Variants in FCGR2B observed in about 807,000 individuals in gnomAD.
FCGR2B encodes the protein Fc gamma receptor IIb, also known as low affinity immunoglobulin gamma Fc region receptor II-b.
FCGR2B carries 18 observed loss-of-function variants against 24.8 expected under a neutral mutation model. That is an observed-to-expected ratio of 0.73 (90% CI 0.50 to 1.08). The LOEUF (loss-of-function observed/expected upper bound fraction) is 1.08, where lower values mean the gene tolerates loss of function less well. FCGR2B is among the 50% of genes least tolerant of loss of function. FCGR2B has a pLI of 0.00. For synonymous variants in FCGR2B, 79 were observed against 109.8 expected, an observed-to-expected ratio of 0.72 and a Z score of 1.75; for missense variants, 215 against 297.6, an observed-to-expected ratio of 0.72 and a Z score of 2.04.
the FCGR2B span, among the ~76,000 whole-genome samples, chr1:161,649,377 G>A: frequency 6.6e-6 from 1 of 150,806 alleles, no homozygotes; most frequent in Non-Finnish European, 1.5e-5. Context: ...TTGCAGAAGA[G>A]GGCTGAAAAT....
the FCGR2B span, among the ~76,000 whole-genome samples, chr1:161,653,437 AAAAT>A: frequency 7.7e-6 from 1 of 129,432 alleles, no homozygotes; most frequent in East Asian, 2.0e-4. Context: ...ATAAAAATAA[AAAAT>A]AAACGAATAA....
the FCGR2B span, among the ~76,000 whole-genome samples, chr1:161,650,082 A>T: frequency 6.7e-6 from 1 of 150,314 alleles, no homozygotes; most frequent in South Asian, 2.1e-4. Context: ...ATCTCTGTTC[A>T]CTGCACCCTC....
intron 1 of FCGR2B, among the ~76,000 whole-genome samples, chr1:161,669,673 AG>A (rs1188666756): frequency 7.2e-6 from 1 of 139,168 alleles, no homozygotes; most frequent in African/African-American, 2.5e-5. Context: ...TGCTCAGTGA[AG>A]AATCAGGTTA....
At chr1:161,650,227 C>T in the FCGR2B span, among the ~76,000 whole-genome samples, 489 of 147,086 alleles carry the variant, frequency 3.3e-3, 1 homozygote, top group Non-Finnish European at 4.7e-3. Flanking sequence ...GTCTCAAACT[C>T]CTGACATCCT....
At chr1:161,675,952 C>A (rs1486116641) in intron 6 of FCGR2B, 1 of 232,554 alleles carries the variant, frequency 4.3e-6, no homozygotes, top group Non-Finnish European at 8.5e-6. Flanking sequence ...ACAGTGGAGC[C>A]CTGAGCAAGT....
At chr1:161,677,181 C>T in intron 6 of FCGR2B, 147 bp from the exon 7 acceptor site, 4 of 753,724 alleles carry the variant, frequency 5.3e-6, no homozygotes, top group Non-Finnish European at 9.3e-6. Context: ...TCATATTTAC[C>T]CAGTGCTTGG....
chr1:161,653,105 A>T, the FCGR2B span, among the ~76,000 whole-genome samples: 4 of 134,136 alleles, frequency 3.0e-5, no homozygotes, highest in African/African-American at 1.0e-4. Context: ...TATATATATA[A>T]ATAAGGAGAG....
chr1:161,672,336 T>C (rs1297575672), intron 3 of FCGR2B: 1 of 159,652 alleles, frequency 6.3e-6, no homozygotes, highest in Non-Finnish European at 1.4e-5. Flanking sequence ...TTGTGGCTTT[T>C]CACTTAGTCC....
the FCGR2B span, among the ~76,000 whole-genome samples, chr1:161,648,953 T>C: frequency 2.6e-5 from 4 of 151,174 alleles, no homozygotes; most frequent in Middle Eastern, 3.4e-3. Flanking sequence ...ATACCAAAAA[T>C]ATATTTTGTA....
chr1:161,649,242 T>C, the FCGR2B span, among the ~76,000 whole-genome samples: 154 of 148,858 alleles, frequency 1.0e-3, 4 homozygotes, highest in Non-Finnish European at 2.2e-4. Flanking sequence ...GGATTGAAAG[T>C]AGAAGTGTTA....
the FCGR2B span, among the ~76,000 whole-genome samples, chr1:161,648,642 C>T: frequency 5.6e-3 from 840 of 150,912 alleles, 45 homozygotes; most frequent in African/African-American, 0.019. Flanking sequence ...TACAAATATT[C>T]CTCCTACTCT....
rs12568828 is a variant in FCGR2B at position 161,671,082 on chromosome 1, G to A, written c.134-310G>A. Among the ~76,000 whole-genome samples the A allele has an allele frequency of 2.9e-4, 44 of 152,252 alleles. No individual in the cohort carries two copies. In the East Asian group the frequency reaches 8.1e-3, roughly 28 times the overall value. On this transcript the variant is annotated intron_variant, in intron 2 of 7. Coordinates refer to ENST00000358671, the MANE Select transcript of FCGR2B (RefSeq NM_001394477.1). ...GTCTGTGTGTCTGTGCTGGTGGGGAGAGGTTGGTGGGGAGAGAGAGAAAGA... is the reference window on the plus strand; with the variant it reads ...GTCTGTGTGTCTGTGCTGGTGGGGAAAGGTTGGTGGGGAGAGAGAGAAAGA...
In FCGR2B at chr1:161,668,840, G is replaced by C. The variant is rs1571019090; in HGVS notation, c.113-1412G>C. 5.7e-5 allele frequency among the ~76,000 whole-genome samples: 6 copies of C among 104,576 alleles called. No individual in the cohort carries two copies. The East Asian group carries it at 1.1e-3, about 19-fold the overall frequency. The allele number at this position is 104,576 out of a possible 152,430, so 68.6% of individuals were successfully genotyped here. ...TGCTCCCTTTTTACCTCTTGGTTCT[G>C]ATTCCATTTCCTTCCGTACTTTTGT... On this transcript the variant is annotated intron_variant, in intron 1 of 7. Transcript: ENST00000358671.
rs114004955 is a variant in FCGR2B, at chr1:161,676,589, G to A, written c.818-739G>A. ...GTAATAGAATGGGAATTCAGAATGC[G>A]GTTTACTGCAGAATTTACAGCATGG... On this transcript the variant is annotated intron_variant, in intron 6 of 7. Coordinates refer to ENST00000358671, the MANE Select transcript of FCGR2B (RefSeq NM_001394477.1). 3.0e-3 allele frequency: 488 copies of A among 160,142 alleles called. 4 individuals carry two copies. The highest frequency in any genetic ancestry group is 0.014 in the Middle Eastern group (5 of 368). 9.9% of individuals were successfully genotyped at this position (160,142 alleles called of 1,614,324 possible).
chr1:161,677,855 C>G lies in FCGR2B; in HGVS notation c.*302C>G. The G allele has an allele frequency of 5.7e-6, 2 of 353,776 alleles. No individual in the cohort carries two copies. The highest frequency in any genetic ancestry group is 1.0e-5 in the Non-Finnish European group (2 of 197,838). 21.9% of individuals were successfully genotyped at this position (353,776 alleles called of 1,614,324 possible). ...CACTGTTATTAACAGATAATAGCAACTTGGGAAATGCTTATGTTACAGGTT... is the reference window on the plus strand; with the variant it reads ...CACTGTTATTAACAGATAATAGCAAGTTGGGAAATGCTTATGTTACAGGTT... On this transcript the variant is annotated 3_prime_UTR_variant, in exon 8 of 8. Coordinates refer to ENST00000358671, the MANE Select transcript of FCGR2B (RefSeq NM_001394477.1).
chr1:161,654,282 A>T, the FCGR2B span, among the ~76,000 whole-genome samples: 1 of 130,448 alleles, frequency 7.7e-6, no homozygotes, highest in Non-Finnish European at 1.8e-5. Flanking sequence ...GTGATCCTAG[A>T]TCTCACCCAA....
chr1:161,671,438 C>G lies in FCGR2B; in HGVS notation c.180C>G (p.Asn60Lys). 3.7e-6 allele frequency: 6 copies of G among 1,614,194 alleles called. 1 individual carries two copies. Among genetic ancestry groups the G allele is most frequent in the South Asian group, 2.2e-5 (2 of 91,078 alleles). The change falls in exon 3 of 8, where the codon AAC becomes AAG. Residue 60 changes from asparagine to lysine, a missense_variant. Transcript: ENST00000358671. ...AVLKLEPQWI[N>K]VLQEDSVTLT... ...TGAAACTCGAGCCCCAGTGGATCAA[C>G]GTGCTCCAGGAGGACTCTGTGACTC...
rs569577918 is a variant in FCGR2B at position 161,675,428 on chromosome 1, A to G, written c.817+115A>G. On this transcript the variant is annotated intron_variant, in intron 6 of 7. Coordinates refer to ENST00000358671, the MANE Select transcript of FCGR2B (RefSeq NM_001394477.1). ...AGCTGGGAGCCAGGGAGGGAGCAGC[A>G]GTGGGAGGATGGCTGGGGCTCAAAT... is the stretch of plus-strand genomic sequence containing the variant. 324 of 682,058 alleles carry G rather than the reference A, an allele frequency of 4.8e-4. 1 individual carries two copies. The highest frequency in any genetic ancestry group is 1.0e-3 in the South Asian group (45 of 43,946). The allele number at this position is 682,058 out of a possible 1,614,324, so 42.3% of individuals were successfully genotyped here.
the FCGR2B span, among the ~76,000 whole-genome samples, chr1:161,648,428 A>G: frequency 6.7e-6 from 1 of 148,160 alleles, no homozygotes; most frequent in Non-Finnish European, 1.5e-5. Context: ...AGGTGGGTAT[A>G]CAGTGATATT....
Sources: gnomAD v4.1 joint callset for allele counts (sites outside exome capture counted in the v4.1 genomes callset) on GRCh38, gnomAD v4.1.1 for gene constraint, MANE v1.5 for transcripts, NCBI Gene and HGNC (gene_info 2026-07-23, HGNC 2026-07-21) for gene names.